KCTD16: variants seen among roughly 807,000 people sequenced by gnomAD.
KCTD16 encodes the protein BTB/POZ domain-containing protein KCTD16.
Under a neutral mutation model 33.2 loss-of-function variants are expected in KCTD16, and 13 were observed. That is an observed-to-expected ratio of 0.39 (90% CI 0.25 to 0.62). KCTD16 has a LOEUF of 0.62. KCTD16 is among the 20% of genes least tolerant of loss of function. The pLI, the probability that KCTD16 is intolerant of heterozygous loss-of-function variation, is 0.50. For missense variants in KCTD16, 441 were observed against 525.1 expected (o/e 0.84, Z 1.57); for synonymous variants, 197 against 195.3 (o/e 1.01, Z -0.07).
intron 3 of KCTD16, among the ~76,000 whole-genome samples, chr5:144,409,584 C>T (rs369073247): frequency 7.2e-5 from 11 of 151,970 alleles, no homozygotes; most frequent in Non-Finnish European, 1.0e-4. Context: ...GCGGGCCAGA[C>T]GCTGTGGCTC....
intron 3 of KCTD16, among the ~76,000 whole-genome samples, chr5:144,294,735 T>C: frequency 6.6e-6 from 1 of 152,178 alleles, no homozygotes. Flanking sequence ...CTAATCATTG[T>C]TTCAATATTT....
At chr5:144,359,849 G>A (rs1484255090) in intron 3 of KCTD16, among the ~76,000 whole-genome samples, 5 of 151,934 alleles carry the variant, frequency 3.3e-5, no homozygotes, top group Admixed American at 6.6e-5. Context: ...GTCAATGGAT[G>A]TGCCCCTCCG....
chr5:144,253,143 G>A (rs1022010996), intron 3 of KCTD16, among the ~76,000 whole-genome samples: 13 of 151,782 alleles, frequency 8.6e-5, no homozygotes, highest in East Asian at 1.9e-4. Context: ...GCCCCCTTTC[G>A]TTGTCATATT....
chr5:144,393,719 A>G (rs1752501698), intron 3 of KCTD16, among the ~76,000 whole-genome samples: 1 of 152,174 alleles, frequency 6.6e-6, no homozygotes, highest in Admixed American at 6.6e-5. Context: ...ATTCCCTGAC[A>G]ACCTGCATTC....
At chr5:144,342,191 T>C (rs952162958) in intron 3 of KCTD16, among the ~76,000 whole-genome samples, 3 of 152,222 alleles carry the variant, frequency 2.0e-5, no homozygotes, top group African/African-American at 7.2e-5. Flanking sequence ...ACGATATTGA[T>C]TCTTCCTACC....
intron 3 of KCTD16, among the ~76,000 whole-genome samples, chr5:144,283,971 C>T (rs1287022744): frequency 6.6e-6 from 1 of 152,104 alleles, no homozygotes; most frequent in Non-Finnish European, 1.5e-5. Context: ...TGGCTGGATC[C>T]AATTACTCAA....
At chr5:144,453,072 C>T (rs1336141475) in intron 3 of KCTD16, among the ~76,000 whole-genome samples, 1 of 152,120 alleles carries the variant, frequency 6.6e-6, no homozygotes, top group Non-Finnish European at 1.5e-5. Flanking sequence ...TTCCTGAGGA[C>T]AGAGCTGTTG....
intron 3 of KCTD16, among the ~76,000 whole-genome samples, chr5:144,442,888 GTT>G (rs371480394): frequency 6.6e-6 from 1 of 151,068 alleles, no homozygotes; most frequent in African/African-American, 2.5e-5. Context: ...GAAGTCCCTG[GTT>G]TTTGTTGTTG....
chr5:144,213,563 T>C (rs140742760), intron 3 of KCTD16, among the ~76,000 whole-genome samples: 3 of 152,162 alleles, frequency 2.0e-5, no homozygotes, highest in Admixed American at 6.6e-5. Flanking sequence ...TCAATCCTTA[T>C]GTTTTTGGTA....
intron 3 of KCTD16, among the ~76,000 whole-genome samples, chr5:144,420,806 G>GGA (rs1379157116): frequency 6.6e-6 from 1 of 152,088 alleles, no homozygotes; most frequent in Non-Finnish European, 1.5e-5. Context: ...ACCTATCAAA[G>GGA]GAGAGAGACT....
At chr5:144,299,124 A>AC (rs1756158175) in intron 3 of KCTD16, among the ~76,000 whole-genome samples, 1 of 23,026 alleles carries the variant, frequency 4.3e-5, no homozygotes, top group Non-Finnish European at 7.0e-5. Context: ...ATATATATAT[A>AC]TATATATATA....
chr5:144,338,073 G>C (rs915743998), intron 3 of KCTD16, among the ~76,000 whole-genome samples: 1 of 152,160 alleles, frequency 6.6e-6, no homozygotes, highest in East Asian at 1.9e-4. Flanking sequence ...TTAATCAGTG[G>C]AGAAGAGATG....
chr5:144,222,589 G>T (rs1473146796), intron 3 of KCTD16, among the ~76,000 whole-genome samples: 1 of 152,188 alleles, frequency 6.6e-6, no homozygotes, highest in Non-Finnish European at 1.5e-5. Flanking sequence ...AAACCACAAT[G>T]AGATACCATC....
intron 3 of KCTD16, among the ~76,000 whole-genome samples, chr5:144,274,142 C>G (rs1755380572): frequency 6.6e-6 from 1 of 151,380 alleles, no homozygotes; most frequent in Admixed American, 6.6e-5. Flanking sequence ...TTCTCTTTTT[C>G]TCTTTCTATT....
At chr5:144,302,717 C>T (rs1188617995) in intron 3 of KCTD16, among the ~76,000 whole-genome samples, 2 of 152,214 alleles carry the variant, frequency 1.3e-5, no homozygotes, top group Non-Finnish European at 2.9e-5. Context: ...CTAGCTCTGA[C>T]ATTCAACATC....
intron 3 of KCTD16, among the ~76,000 whole-genome samples, chr5:144,390,525 A>AT (rs1285629187): frequency 2.3e-5 from 2 of 85,866 alleles, no homozygotes; most frequent in Non-Finnish European, 5.5e-5. Context: ...AGAAGTGTTT[A>AT]ATTTTTTTTT....
chr5:144,474,578 G>A lies in KCTD16; in HGVS notation c.*464G>A, dbSNP rs1754553895. 6.1e-6 allele frequency: 1 copy of A among 162,602 alleles called. No homozygotes were observed. Among genetic ancestry groups the A allele is most frequent in the Admixed American group, 5.9e-5 (1 of 16,924 alleles). The allele number at this position is 162,602 out of a possible 1,614,324, so 10.1% of individuals were successfully genotyped here. On this transcript the variant is annotated 3_prime_UTR_variant, in exon 4 of 4. Transcript: ENST00000512467. ...GTTTATGGGGTTGGGGGGAATGGCA[G>A]ATTTATATGACTTTTCACTCAAATC...
Position 144,265,147 on chromosome 5 carries a change from A to G in KCTD16, c.832+57601A>G, listed in dbSNP as rs532592359. ...CCTTATCAATCCAACAGTTGTAAGG[A>G]GAAAATTATCTACTTATGAGAACTT... On this transcript the variant is annotated intron_variant, in intron 3 of 3. Transcript: ENST00000512467. Among the ~76,000 whole-genome samples, 288 of 152,342 alleles carry G rather than the reference A, an allele frequency of 1.9e-3. 2 individuals carry two copies. The highest frequency in any genetic ancestry group is 6.8e-3 in the African/African-American group (282 of 41,582).
At chr5:144,389,956 A>G (rs1373694751) in intron 3 of KCTD16, among the ~76,000 whole-genome samples, 4 of 152,204 alleles carry the variant, frequency 2.6e-5, no homozygotes, top group African/African-American at 9.6e-5. Flanking sequence ...CCTAATTAAA[A>G]TTGGATTCCA....
Sources: allele counts gnomAD v4.1 joint callset (sites outside exome capture counted in the v4.1 genomes callset), GRCh38; gene constraint gnomAD v4.1.1; transcripts MANE v1.5; gene names NCBI Gene and HGNC (gene_info 2026-07-23, HGNC 2026-07-21).